The following SH3BP5 variants were observed in gnomAD, a reference collection of about 807,000 sequenced individuals.
SH3BP5 encodes SH3 domain-binding protein 5.
In SH3BP5, 22 loss-of-function variants were observed where a neutral mutation model predicts 43.3. That is an observed-to-expected ratio of 0.51 (90% confidence interval 0.36 to 0.73). The LOEUF is 0.73. Among genes scored for constraint, SH3BP5 ranks in the 30% least tolerant of loss-of-function variants. SH3BP5 has a pLI of 0.00. For missense variants in SH3BP5, 529 were observed against 586.9 expected (o/e 0.90, Z 1.02); for synonymous variants, 255 against 225.8 (o/e 1.13, Z -1.16).
intron 3 of SH3BP5, among the ~76,000 whole-genome samples, chr3:15,278,697 C>A (rs1478269717): frequency 1.3e-5 from 2 of 152,182 alleles, no homozygotes; most frequent in Admixed American, 1.3e-4. Flanking sequence ...CACCGAGGTG[C>A]TTCTAATTTT....
chr3:15,255,981 G>A lies in SH3BP5; in HGVS notation c.*105C>T. The A allele has an allele frequency of 1.1e-6, 1 of 943,360 alleles. No homozygotes were observed. The highest frequency in any genetic ancestry group is 1.5e-5 in the South Asian group (1 of 64,906). 58.4% of individuals were successfully genotyped at this position (943,360 alleles called of 1,614,324 possible). On this transcript the variant is annotated 3_prime_UTR_variant, in exon 9 of 9. Transcript: ENST00000383791. ...ACTGAAACTTCATTAGAGCAGTTTA[G>A]AGTAGACGTGTAAGATTTGGCATAT...
intron 3 of SH3BP5, among the ~76,000 whole-genome samples, chr3:15,290,390 G>A (rs1346792567): frequency 6.6e-6 from 1 of 151,992 alleles, no homozygotes; most frequent in Admixed American, 6.6e-5. Context: ...GCTGGGCATG[G>A]TGGCTCACGT....
At position 15,330,555 on chromosome 3, in the gene SH3BP5, C is replaced by T; in HGVS notation, c.150G>A (p.Glu50=). Residue 50 remains glutamate, a synonymous_variant, in exon 2 of 9, where the codon GAG becomes GAA. Coordinates refer to ENST00000383791, the MANE Select transcript of SH3BP5 (RefSeq NM_004844.5). ...EVDPRIQGEL[E]KLNQSTDDIN... ...TATCATCCGTGGACTGATTTAACTT[C>T]TCCAGTTCTCCCTGGTGAAGAAAAG... 3 of 1,604,778 alleles carry T rather than the reference C, an allele frequency of 1.9e-6. No individual in the cohort carries two copies. Among genetic ancestry groups the T allele is most frequent in the Non-Finnish European group, 1.7e-6 (2 of 1,176,272 alleles).
chr3:15,333,287 G>A (rs1698660065), upstream of SH3BP5: 1 of 985,236 alleles, frequency 1.0e-6, no homozygotes, highest in Non-Finnish European at 1.2e-6. Context: ...ACGTGTGTGT[G>A]CTTTTATGAA....
rs1298586614 is a variant in SH3BP5, at chr3:15,259,635, A to C, written c.669+126T>G. ...AGACAATTTTGAGGTCTGAAAACTC[A>C]GTAAAGCCTGTCTCTCCACTTTCCC... On this transcript the variant is annotated intron_variant, in intron 6 of 8. Transcript: ENST00000383791. 3.2e-6 allele frequency: 3 copies of C among 934,314 alleles called. No individual in the cohort carries two copies. The African/African-American group carries it at 4.9e-5, about 15-fold the overall frequency. 57.9% of individuals were successfully genotyped at this position (934,314 alleles called of 1,614,324 possible). A position where few individuals can be genotyped will look rare whatever the true frequency, so the allele number is the denominator to read the frequency against.
chr3:15,284,069 C>T (rs1697200519), intron 3 of SH3BP5, among the ~76,000 whole-genome samples: 1 of 152,166 alleles, frequency 6.6e-6, no homozygotes, highest in Non-Finnish European at 1.5e-5. Flanking sequence ...TGCAGGGCCC[C>T]ATATTATCCC....
At chr3:15,295,366 T>C (rs956456174) in intron 3 of SH3BP5, among the ~76,000 whole-genome samples, 1 of 152,250 alleles carries the variant, frequency 6.6e-6, no homozygotes, top group Admixed American at 6.5e-5. Context: ...TTCTAGCTGA[T>C]GTCCAACAAG....
In SH3BP5 at chr3:15,258,851, G is replaced by A. The variant is rs765164868; in HGVS notation, c.869C>T (p.Pro290Leu). 6.2e-7 allele frequency: 1 copy of A among 1,614,098 alleles called. No homozygotes were observed. Among genetic ancestry groups the A allele is most frequent in the Non-Finnish European group, 8.5e-7 (1 of 1,180,022 alleles). The change falls in exon 7 of 9, where the codon CCT becomes CTT. Residue 290 changes from proline to leucine, a missense_variant. Physicochemically the swap from Pro to Leu is moderately conservative, Grantham distance 98 (BLOSUM62 -3). Around this residue, in one of 3 missense-constraint regions of SH3BP5, gnomAD observed 369 missense variants for 384.3 expected, o/e 0.96. Coordinates refer to ENST00000383791, the MANE Select transcript of SH3BP5 (RefSeq NM_004844.5). ...TSVEDLPGSKPEPDAISVASE... is the reference protein window; with the variant it reads ...TSVEDLPGSKLEPDAISVASE... ...CTTACCAGAAATGGCATCAGGCTCA[G>A]GTTTGCTCCCTGGCAGATCCTCCAC...
chr3:15,257,204 T>TG, intron 7 of SH3BP5, 91 bp from the exon 8 acceptor site: 1 of 1,350,388 alleles, frequency 7.4e-7, no homozygotes, highest in Non-Finnish European at 1.0e-6. Context: ...AGACACAGCA[T>TG]GGGGGACTAA....
rs1697388842 is a variant in SH3BP5, at chr3:15,290,667, C to A, written c.330+13436G>T. Among the ~76,000 whole-genome samples the A allele has an allele frequency of 2.6e-5, 4 of 152,034 alleles. No individual in the cohort carries two copies. In the South Asian group the frequency reaches 8.3e-4, roughly 32 times the overall value. ...TGAACTGAGATCGTGCCACTGCGCT[C>A]CAGCCTGGGTGACAGAGCAAGACTC... On this transcript the variant is annotated intron_variant, in intron 3 of 8. Transcript: ENST00000383791.
intron 2 of SH3BP5, among the ~76,000 whole-genome samples, chr3:15,328,742 GAA>G (rs1698528141): frequency 6.6e-6 from 1 of 152,118 alleles, no homozygotes; most frequent in Non-Finnish European, 1.5e-5. Flanking sequence ...AGGAGATCTG[GAA>G]AATGCCTGGG....
At chr3:15,304,277 G>A (rs781380117) in intron 2 of SH3BP5, 46 bp from the exon 3 acceptor site, 49 of 1,613,390 alleles carry the variant, frequency 3.0e-5, no homozygotes, top group Middle Eastern at 1.6e-4. Context: ...GCTTAAGAAG[G>A]GATCTGCAAA....
At chr3:15,300,294 T>G (rs900459846) in intron 3 of SH3BP5, among the ~76,000 whole-genome samples, 1 of 152,154 alleles carries the variant, frequency 6.6e-6, no homozygotes, top group Admixed American at 6.5e-5. Flanking sequence ...GTCAAACACA[T>G]TATCTCACTT....
chr3:15,273,221 A>G (rs1405418754), intron 3 of SH3BP5: 1 of 985,236 alleles, frequency 1.0e-6, no homozygotes, highest in Non-Finnish European at 1.2e-6. Context: ...CAATTCAGCA[A>G]CATTTAAGGG....
rs1363167860 is a variant in SH3BP5, at chr3:15,304,038, G to A, written c.330+65C>T. Reference sequence around the variant, plus strand: ...ACCTTCAGCAGGTGATACAGTCAAAGGCACCCTTAAAACTGAGGGGTAGTG... The same window carrying A: ...ACCTTCAGCAGGTGATACAGTCAAAAGCACCCTTAAAACTGAGGGGTAGTG... On this transcript the variant is annotated intron_variant, in intron 3 of 8. Coordinates refer to ENST00000383791, the MANE Select transcript of SH3BP5 (RefSeq NM_004844.5). 6 of 1,376,828 alleles carry A rather than the reference G, an allele frequency of 4.4e-6. No individual in the cohort carries two copies. The East Asian group carries it at 1.4e-4, about 32-fold the overall frequency. 85.3% of individuals were successfully genotyped at this position (1,376,828 alleles called of 1,614,324 possible).
chr3:15,312,158 T>C (rs1698075644), intron 2 of SH3BP5, among the ~76,000 whole-genome samples: 1 of 152,158 alleles, frequency 6.6e-6, no homozygotes, highest in African/African-American at 2.4e-5. Flanking sequence ...TCAGTAGAGT[T>C]TTCCAGAAGC....
chr3:15,304,814 CAAA>C (rs11358968), intron 2 of SH3BP5, among the ~76,000 whole-genome samples: 1,389 of 80,102 alleles, frequency 0.017, 26 homozygotes, highest in African/African-American at 0.061. Context: ...GACTCTGTCT[CAAA>C]AAAAAAAAAA....
At chr3:15,277,485 G>T (rs1381850487) in intron 3 of SH3BP5, among the ~76,000 whole-genome samples, 1 of 152,160 alleles carries the variant, frequency 6.6e-6, no homozygotes, top group African/African-American at 2.4e-5. Context: ...AAGGCCTGCT[G>T]CTGTAGGAGC....
chr3:15,280,583 A>G (rs1007052489), intron 3 of SH3BP5, among the ~76,000 whole-genome samples: 1 of 152,070 alleles, frequency 6.6e-6, no homozygotes, highest in Admixed American at 6.6e-5. Flanking sequence ...ATCAGCCCCA[A>G]TCCAAGCTGC....
Sources: gnomAD v4.1 joint callset for allele counts (sites outside exome capture counted in the v4.1 genomes callset) on GRCh38, gnomAD v4.1.1 for gene constraint, gnomAD v4.1.1 regional missense constraint, MANE v1.5 for transcripts, NCBI Gene and HGNC (gene_info 2026-07-23, HGNC 2026-07-21) for gene names.